PCDH15: variants seen among roughly 807,000 people sequenced by gnomAD.
PCDH15 encodes the protein protocadherin-15.
A neutral mutation model predicts 178.5 loss-of-function variants in PCDH15; 129 were observed. The observed-to-expected ratio is 0.72, with a 90% CI of 0.63 to 0.84. The LOEUF is 0.84. PCDH15 is among the 40% of genes least tolerant of loss of function. The probability of loss-of-function intolerance (pLI) is 0.00; values close to 1 mark genes in which losing one functional copy is unlikely to be tolerated. For missense variants in PCDH15, 2,230 were observed against 2,099.9 expected, an observed-to-expected ratio of 1.06 and a Z score of -1.21; for synonymous variants, 800 against 732.0, an observed-to-expected ratio of 1.09 and a Z score of -1.50.
At chr10:55,297,697 T>A (rs1205579796) in intron 1 of PCDH15, among the ~76,000 whole-genome samples, 1 of 152,124 alleles carries the variant, frequency 6.6e-6, no homozygotes, top group Non-Finnish European at 1.5e-5. Context: ...GCTGGAAAAC[T>A]GAATACTAAG....
At chr10:55,484,512 C>T (rs766240186) in intron 2 of PCDH15, among the ~76,000 whole-genome samples, 17 of 151,480 alleles carry the variant, frequency 1.1e-4, no homozygotes, top group Non-Finnish European at 2.4e-4. Flanking sequence ...TAACAAAATA[C>T]CAAGACATTA....
At position 53,990,534 on chromosome 10, in the gene PCDH15, T is replaced by A. The variant is rs551683136; in HGVS notation, c.2868+5115A>T. 6.1e-5 allele frequency among the ~76,000 whole-genome samples: 9 copies of A among 147,826 alleles called. No individual in the cohort carries two copies. In the East Asian group the frequency reaches 1.8e-3, roughly 29 times the overall value. On this transcript the variant is annotated intron_variant, in intron 21 of 37. Transcript: ENST00000644397. ...GTTATATATATATATGTTCTATATA[T>A]GTTTTATATATGTTATATATATAAA...
In PCDH15 at chr10:54,915,827, C is replaced by T. The variant is rs190903809; in HGVS notation, c.-79-18327G>A. Among the ~76,000 whole-genome samples, 177 of 152,006 alleles carry T rather than the reference C, an allele frequency of 1.2e-3. 3 individuals carry two copies. Among genetic ancestry groups the T allele is most frequent in the Admixed American group, 0.011 (169 of 15,260 alleles). On this transcript the variant is annotated intron_variant, in intron 2 of 5. Transcript: ENST00000458638. ...GTATCCATTAAATATCTTGAGATTA[C>T]CTATTTATTTATTTATTTTGAGATG...
intron 1 of PCDH15, among the ~76,000 whole-genome samples, chr10:55,214,785 T>C (rs1417073686): frequency 6.6e-6 from 1 of 152,002 alleles, no homozygotes; most frequent in Non-Finnish European, 1.5e-5. Flanking sequence ...CTTTAGATGT[T>C]GTACCCTGTT....
At chr10:55,229,920 A>G (rs535424406) in intron 1 of PCDH15, among the ~76,000 whole-genome samples, 3 of 152,102 alleles carry the variant, frequency 2.0e-5, no homozygotes, top group Middle Eastern at 3.4e-3. Flanking sequence ...ATAATTCTGA[A>G]CTATATGGAC....
chr10:53,919,938 C>A (rs778875404), intron 25 of PCDH15, among the ~76,000 whole-genome samples: 5 of 152,094 alleles, frequency 3.3e-5, no homozygotes, highest in Non-Finnish European at 4.4e-5. Flanking sequence ...ACAGGGAAAG[C>A]AAACCTACTT....
chr10:53,866,586 C>G (rs1589155480), intron 27 of PCDH15, 56 bp downstream of exon 27: 2 of 1,307,522 alleles, frequency 1.5e-6, no homozygotes, highest in Non-Finnish European at 2.2e-6. Flanking sequence ...ACTGAAAACA[C>G]TGACCTATGG....
intron 21 of PCDH15, among the ~76,000 whole-genome samples, chr10:53,977,122 C>T (rs2090245960): frequency 6.6e-6 from 1 of 152,028 alleles, no homozygotes; most frequent in African/African-American, 2.4e-5. Context: ...TTGACACTAA[C>T]CTCCCATCTC....
chr10:54,387,549 G>A (rs1950069313), intron 3 of PCDH15, among the ~76,000 whole-genome samples: 1 of 152,102 alleles, frequency 6.6e-6, no homozygotes, highest in Admixed American at 6.6e-5. Flanking sequence ...AAACATAGAT[G>A]TGTACTCTTC....
chr10:54,753,764 G>A (rs60736816), intron 1 of PCDH15, among the ~76,000 whole-genome samples: 5,220 of 152,000 alleles, frequency 0.034, 246 homozygotes, highest in African/African-American at 0.1. Context: ...ACCTTCCTGA[G>A]CACAGAAAGG....
At chr10:54,828,989 G>A (rs959751610) in intron 3 of PCDH15, among the ~76,000 whole-genome samples, 6 of 151,966 alleles carry the variant, frequency 3.9e-5, no homozygotes, top group Non-Finnish European at 7.4e-5. Context: ...TCTGAAAGAC[G>A]TGAGAACATA....
chr10:55,554,740 T>G (rs1187644661), intron 2 of PCDH15, among the ~76,000 whole-genome samples: 3 of 152,124 alleles, frequency 2.0e-5, no homozygotes, highest in African/African-American at 7.2e-5. Context: ...GGGACAACCA[T>G]ATTAACTAAA....
At chr10:54,092,557 C>G (rs2094617131) in intron 15 of PCDH15, among the ~76,000 whole-genome samples, 2 of 151,744 alleles carry the variant, frequency 1.3e-5, no homozygotes, top group Non-Finnish European at 2.9e-5. Context: ...CCATGTTAGT[C>G]AAAATCCAAA....
intron 2 of PCDH15, among the ~76,000 whole-genome samples, chr10:55,072,166 C>T (rs1172649494): frequency 6.6e-6 from 1 of 151,662 alleles, no homozygotes; most frequent in East Asian, 1.9e-4. Flanking sequence ...AAATTGACAC[C>T]CTAACATCAC....
intron 2 of PCDH15, among the ~76,000 whole-genome samples, chr10:55,552,079 C>A (rs1413389856): frequency 1.3e-5 from 2 of 151,684 alleles, no homozygotes; most frequent in Non-Finnish European, 3.0e-5. Context: ...TTATTTATTG[C>A]TTTCTTACAT....
intron 21 of PCDH15, among the ~76,000 whole-genome samples, chr10:53,983,040 T>A (rs12412113): frequency 0.23 from 35,532 of 151,756 alleles, 4,638 homozygotes; most frequent in East Asian, 0.58. Context: ...AAACAAATAT[T>A]AAGTAATTTG....
At chr10:54,790,393 T>C (rs1951295064) in intron 1 of PCDH15, among the ~76,000 whole-genome samples, 1 of 151,720 alleles carries the variant, frequency 6.6e-6, no homozygotes, top group Non-Finnish European at 1.5e-5. Context: ...ATTTCCCTCA[T>C]CTTTTAGAAC....
chr10:54,874,412 GAAT>G (rs1170118730), intron 3 of PCDH15, among the ~76,000 whole-genome samples: 2 of 149,836 alleles, frequency 1.3e-5, no homozygotes, highest in Admixed American at 1.4e-4. Flanking sequence ...TTGCTATTGT[GAAT>G]AATGCTGCAA....
rs1189495105 is a variant in PCDH15, at chr10:54,169,633, C to G, written c.1590+13811G>C. ...CCTTTGCATACTCCTCTTGTATCCCCCCACCTTAACCTACAAGTATAAGAT... is the reference window on the plus strand; with the variant it reads ...CCTTTGCATACTCCTCTTGTATCCCGCCACCTTAACCTACAAGTATAAGAT... On this transcript the variant is annotated intron_variant, in intron 13 of 37. Transcript: ENST00000644397. Among the ~76,000 whole-genome samples, 4 of 150,948 alleles carry G rather than the reference C, an allele frequency of 2.6e-5. No individual in the cohort carries two copies. In the South Asian group the frequency reaches 6.3e-4, roughly 24 times the overall value.
Sources: allele counts gnomAD v4.1 joint callset (sites outside exome capture counted in the v4.1 genomes callset), GRCh38; gene constraint gnomAD v4.1.1; transcripts MANE v1.5; gene names NCBI Gene and HGNC (gene_info 2026-07-23, HGNC 2026-07-21).